SNAPC3: variants seen among roughly 807,000 people sequenced by gnomAD.
The protein encoded by SNAPC3 is snRNA-activating protein complex subunit 3.
In SNAPC3, 56 loss-of-function variants were observed where a neutral mutation model predicts 47.7. The ratio of observed to expected loss-of-function variants is 1.18; its 90% CI spans 0.95 to 1.47. SNAPC3 has a LOEUF of 1.47. Ranked by LOEUF, SNAPC3 falls within the 40% of genes most tolerant of loss-of-function variation. The pLI is 0.00. For synonymous variants in SNAPC3, 235 were observed against 189.9 expected (o/e 1.24, Z -1.95); for missense variants, 665 against 511.3 (o/e 1.30, Z -2.90).
intron 2 of SNAPC3, among the ~76,000 whole-genome samples, chr9:15,433,002 T>C (rs991282265): frequency 6.6e-6 from 1 of 152,176 alleles, no homozygotes; most frequent in Non-Finnish European, 1.5e-5. Context: ...ACTAGTAAGA[T>C]GTCATATTAA....
intron 3 of SNAPC3, among the ~76,000 whole-genome samples, chr9:15,435,592 G>C (rs367849484): frequency 6.6e-6 from 1 of 151,800 alleles, no homozygotes; most frequent in South Asian, 2.1e-4. Context: ...TTAGCCGGGC[G>C]TGGTGGCAGG....
rs1312013762 is a variant in SNAPC3, at chr9:15,458,987, TTC to T, written c.1089-730_1089-729del. 5.3e-5 allele frequency among the ~76,000 whole-genome samples: 8 copies of T among 152,328 alleles called. No individual in the cohort carries two copies. The East Asian group carries it at 7.7e-4, about 15-fold the overall frequency. Reference sequence around the variant, plus strand: ...GAAAAAAATCTGCAATTTGAAATACTTCTTTTTGATCCCAAGCATTTCAGATA... The same window carrying T: ...GAAAAAAATCTGCAATTTGAAATACTTTTTTGATCCCAAGCATTTCAGATA... On this transcript the variant is annotated intron_variant, in intron 8 of 8. Coordinates refer to ENST00000380821, the MANE Select transcript of SNAPC3 (RefSeq NM_001039697.2).
intron 4 of SNAPC3, 71 bp downstream of exon 4, chr9:15,444,777 G>A: frequency 2.5e-6 from 2 of 810,414 alleles, no homozygotes; most frequent in Middle Eastern, 3.2e-4. Flanking sequence ...TATTTGAAGA[G>A]TCATATTCCT....
intron 7 of SNAPC3, 54 bp from the exon 8 acceptor site, chr9:15,457,906 A>T: frequency 9.8e-7 from 1 of 1,016,022 alleles, no homozygotes; most frequent in Non-Finnish European, 1.5e-6. Flanking sequence ...GCTCATAAAA[A>T]TTTGTCACTT....
Position 15,451,325 on chromosome 9 carries a change from A to G in SNAPC3, c.738A>G (p.Leu246=), listed in dbSNP as rs146973731. The change falls in exon 6 of 9, where the codon CTA becomes CTG. Residue 246 remains leucine (L), a synonymous_variant. Transcript: ENST00000380821. ...DQAPEHISKD[L]YKSAFFYFEG... ...TACAATCTGTTTTCTTGTAGGACCT[A>G]TACAAATCAGCCTTCTTTTATTTTG... The G allele has an allele frequency of 1.8e-5, 26 of 1,410,894 alleles. No homozygotes were observed. Among genetic ancestry groups the G allele is most frequent in the Non-Finnish European group, 2.6e-5 (26 of 1,011,270 alleles). The allele number at this position is 1,410,894 out of a possible 1,614,324, so 87.4% of individuals were successfully genotyped here. A position where few individuals can be genotyped will look rare whatever the true frequency, so the allele number is the denominator to read the frequency against.
rs765785599 is a variant in SNAPC3, at chr9:15,447,238, C to A, written c.726C>A (p.Ile242=). The A allele has an allele frequency of 6.2e-7, 1 of 1,613,866 alleles. No individual in the cohort carries two copies. Among genetic ancestry groups the A allele is most frequent in the Non-Finnish European group, 8.5e-7 (1 of 1,179,896 alleles). ...SNTPDQAPEH[I]SKDLYKSAFF... is the part of the protein sequence containing the mutation. ...CTCCTGACCAAGCCCCTGAGCACAT[C>A]AGCAAAGTAAGGTGATTTCCTCCCA... The change falls in exon 5 of 9, where the codon ATC becomes ATA. Residue 242 remains isoleucine (I), a synonymous_variant. Coordinates refer to ENST00000380821, the MANE Select transcript of SNAPC3 (RefSeq NM_001039697.2).
chr9:15,462,571 A>T (rs2035296751), downstream of SNAPC3: 2 of 152,236 alleles, frequency 1.3e-5, no homozygotes, highest in Non-Finnish European at 2.9e-5. Context: ...GGCAACTGAA[A>T]ATGTTGTCAT....
At chr9:15,458,772 T>C (rs2034985764) in intron 8 of SNAPC3, among the ~76,000 whole-genome samples, 1 of 151,948 alleles carries the variant, frequency 6.6e-6, no homozygotes, top group African/African-American at 2.4e-5. Flanking sequence ...AAAAAAAATC[T>C]GAAAGCCACT....
rs1216115297 is a variant in SNAPC3 at position 15,460,837 on chromosome 9, A to C, written c.*971A>C. ...GTATATACTCATAACTCCAGAAATAACATTAACTTGAAGCTTTATTTCTTG... is the reference window on the plus strand; with the variant it reads ...GTATATACTCATAACTCCAGAAATACCATTAACTTGAAGCTTTATTTCTTG... On this transcript the variant is annotated 3_prime_UTR_variant, in exon 9 of 9. Transcript: ENST00000380821. 1 of 152,216 alleles carries C rather than the reference A, an allele frequency of 6.6e-6. No individual in the cohort carries two copies. Among genetic ancestry groups the C allele is most frequent in the Non-Finnish European group, 1.5e-5 (1 of 68,036 alleles). The allele number at this position is 152,216 out of a possible 1,614,324, so 9.4% of individuals were successfully genotyped here.
chr9:15,440,419 C>G (rs940420619), intron 3 of SNAPC3, among the ~76,000 whole-genome samples: 3 of 152,178 alleles, frequency 2.0e-5, no homozygotes, highest in African/African-American at 7.2e-5. Flanking sequence ...GTCTTAATTT[C>G]TCCTTCATTC....
intron 2 of SNAPC3, among the ~76,000 whole-genome samples, chr9:15,424,220 A>C (rs1440667835): frequency 6.6e-6 from 1 of 152,236 alleles, no homozygotes; most frequent in Non-Finnish European, 1.5e-5. Flanking sequence ...ACCCGTAAAT[A>C]CATAAGCATA....
chr9:15,429,960 A>G (rs2031925250), intron 2 of SNAPC3, among the ~76,000 whole-genome samples: 1 of 152,228 alleles, frequency 6.6e-6, no homozygotes, highest in Non-Finnish European at 1.5e-5. Flanking sequence ...ATATCAGACA[A>G]ATAGTATTCA....
At chr9:15,440,793 C>A (rs370701899) in intron 3 of SNAPC3, among the ~76,000 whole-genome samples, 16 of 151,894 alleles carry the variant, frequency 1.1e-4, no homozygotes, top group African/African-American at 3.6e-4. Flanking sequence ...ACTAAAAATA[C>A]AAAAAATTAG....
At chr9:15,431,832 C>T (rs2032188319) in intron 2 of SNAPC3, 1 of 148,624 alleles carries the variant, frequency 6.7e-6, no homozygotes, top group African/African-American at 2.5e-5. Context: ...TGTAATATAA[C>T]ACCACTGAAA....
At chr9:15,434,328 A>G (rs1160972653) in intron 3 of SNAPC3, among the ~76,000 whole-genome samples, 1 of 151,058 alleles carries the variant, frequency 6.6e-6, no homozygotes, top group African/African-American at 2.4e-5. Flanking sequence ...GCTAACCTCT[A>G]TTCTACCTTC....
chr9:15,442,828 G>T (rs1289137366), intron 3 of SNAPC3, among the ~76,000 whole-genome samples: 1 of 152,190 alleles, frequency 6.6e-6, no homozygotes, highest in Non-Finnish European at 1.5e-5. Flanking sequence ...GCGGCTGGGA[G>T]GTGGAGGTTG....
chr9:15,447,368 C>CT (rs34278677), intron 5 of SNAPC3, 124 bp downstream of exon 5: 11 of 836,546 alleles, frequency 1.3e-5, no homozygotes, highest in East Asian at 4.9e-5. Flanking sequence ...CATCAAACTA[C>CT]ACTATCTCAT....
chr9:15,432,227 C>G (rs73417305), intron 2 of SNAPC3, among the ~76,000 whole-genome samples: 5,855 of 152,172 alleles, frequency 0.038, 354 homozygotes, highest in African/African-American at 0.13. Context: ...AGTTTGGGAT[C>G]AGAAGTATCA....
intron 3 of SNAPC3, among the ~76,000 whole-genome samples, chr9:15,440,838 A>G (rs2033270544): frequency 6.6e-6 from 1 of 151,802 alleles, no homozygotes; most frequent in Non-Finnish European, 1.5e-5. Context: ...AGTCCCAGCT[A>G]CTTGGGAGGC....
Sources: allele counts gnomAD v4.1 joint callset (sites outside exome capture counted in the v4.1 genomes callset), GRCh38; gene constraint gnomAD v4.1.1; transcripts MANE v1.5; gene names NCBI Gene and HGNC (gene_info 2026-07-23, HGNC 2026-07-21).